The following INPP4B variants were observed in gnomAD, a reference collection of about 807,000 sequenced individuals.
INPP4B encodes inositol polyphosphate-4-phosphatase type II B.
In INPP4B, 55 loss-of-function variants were observed where a neutral mutation model predicts 122.5. The observed-to-expected ratio is 0.45, with a 90% CI of 0.36 to 0.56. The LOEUF (loss-of-function observed/expected upper bound fraction) is 0.56, where lower values mean the gene tolerates loss of function less well. Ranked by LOEUF, INPP4B falls within the 20% of genes least tolerant of loss-of-function variation. The pLI, the probability that INPP4B is intolerant of heterozygous loss-of-function variation, is 0.00. For missense variants in INPP4B, 1,000 were observed against 1,097.7 expected (o/e 0.91, Z 1.26); for synonymous variants, 403 against 388.7 (o/e 1.04, Z -0.43).
intron 2 of INPP4B, among the ~76,000 whole-genome samples, chr4:142,585,808 A>G (rs1480942272): frequency 6.6e-6 from 1 of 151,272 alleles, no homozygotes; most frequent in East Asian, 1.9e-4. Context: ...ATTAGAGACA[A>G]TATTATGACT....
At chr4:142,049,356 T>TAAAG in intron 25 of INPP4B, among the ~76,000 whole-genome samples, 1 of 152,180 alleles carries the variant, frequency 6.6e-6, no homozygotes, top group Admixed American at 6.6e-5. Context: ...GCATGAAAAC[T>TAAAG]AAAGACATAG....
chr4:142,808,212 T>G (rs1282284144), intron 1 of INPP4B, among the ~76,000 whole-genome samples: 1 of 152,182 alleles, frequency 6.6e-6, no homozygotes, highest in Non-Finnish European at 1.5e-5. Context: ...CTTGTTTCAT[T>G]TTGCTGAATA....
In INPP4B at chr4:142,295,736, CTT is replaced by C. The variant is rs934556526; in HGVS notation, c.503+9720_503+9721del. Among the ~76,000 whole-genome samples the C allele has an allele frequency of 6.8e-5, 10 of 146,730 alleles. No individual in the cohort carries two copies. The East Asian group carries it at 1.8e-3, about 26-fold the overall frequency. ...CCTACAGGAAAGAAATTCACTTTCC[CTT>C]TTTTTTTTCTTTTCTTTTTTTTTTA... On this transcript the variant is annotated intron_variant, in intron 9 of 25. Coordinates refer to ENST00000262992, the MANE Select transcript of INPP4B (RefSeq NM_001101669.3).
At chr4:142,294,536 AGT>A (rs931392837) in intron 9 of INPP4B, among the ~76,000 whole-genome samples, 4 of 152,052 alleles carry the variant, frequency 2.6e-5, no homozygotes, top group Non-Finnish European at 4.4e-5. Context: ...GTGGGGAAAA[AGT>A]GGACACGCAC....
At chr4:142,839,063 T>A (rs917495243) in intron 1 of INPP4B, among the ~76,000 whole-genome samples, 4 of 152,220 alleles carry the variant, frequency 2.6e-5, no homozygotes, top group African/African-American at 9.6e-5. Flanking sequence ...TTACTATATG[T>A]CATGTACCTT....
At chr4:142,627,946 T>C (rs1009282826) in intron 2 of INPP4B, among the ~76,000 whole-genome samples, 2 of 152,022 alleles carry the variant, frequency 1.3e-5, no homozygotes, top group Non-Finnish European at 2.9e-5. Flanking sequence ...TATTGGTCTA[T>C]TCAGAGATTC....
chr4:142,697,358 C>T (rs545014520), intron 2 of INPP4B, among the ~76,000 whole-genome samples: 1 of 152,276 alleles, frequency 6.6e-6, no homozygotes, highest in South Asian at 2.1e-4. Flanking sequence ...TTCATAAAAA[C>T]AGAGTCTGGG....
chr4:142,253,663 G>A (rs938320744), intron 11 of INPP4B, among the ~76,000 whole-genome samples: 12 of 152,190 alleles, frequency 7.9e-5, no homozygotes, highest in African/African-American at 1.9e-4. Context: ...AAAAAACGGC[G>A]CACCAGGAGA....
chr4:142,274,182 A>G (rs1175367807), intron 9 of INPP4B, among the ~76,000 whole-genome samples: 1 of 151,936 alleles, frequency 6.6e-6, no homozygotes, highest in East Asian at 1.9e-4. Flanking sequence ...ACTGAATTTT[A>G]CCTTATGGAA....
intron 25 of INPP4B, 130 bp from the exon 26 acceptor site, chr4:142,029,044 C>G: frequency 7.0e-7 from 1 of 1,419,894 alleles, no homozygotes; most frequent in Non-Finnish European, 9.2e-7. Context: ...TTTTTTTTTT[C>G]CACAAGTGAT....
At chr4:142,055,568 A>C (rs1757183294) in intron 25 of INPP4B, among the ~76,000 whole-genome samples, 1 of 152,176 alleles carries the variant, frequency 6.6e-6, no homozygotes, top group East Asian at 1.9e-4. Context: ...GAGTTAACTC[A>C]AAGGACTTTG....
chr4:142,745,121 T>G (rs1768513177), intron 1 of INPP4B, among the ~76,000 whole-genome samples: 1 of 151,816 alleles, frequency 6.6e-6, no homozygotes, highest in Non-Finnish European at 1.5e-5. Context: ...TAAATAGACC[T>G]TAAAAGTTGA....
At chr4:142,300,474 A>T (rs988575902) in intron 9 of INPP4B, among the ~76,000 whole-genome samples, 1 of 152,150 alleles carries the variant, frequency 6.6e-6, no homozygotes, top group Non-Finnish European at 1.5e-5. Flanking sequence ...ATTAACCAAA[A>T]TGCCAAAAAA....
intron 7 of INPP4B, among the ~76,000 whole-genome samples, chr4:142,375,167 T>TC (rs1297132185): frequency 6.6e-6 from 1 of 151,892 alleles, no homozygotes; most frequent in East Asian, 1.9e-4. Flanking sequence ...CATTTTTTTT[T>TC]CATCTTCCTT....
At chr4:142,168,726 G>T (rs1009710793) in intron 16 of INPP4B, among the ~76,000 whole-genome samples, 2 of 151,366 alleles carry the variant, frequency 1.3e-5, no homozygotes, top group African/African-American at 2.4e-5. Context: ...TAGCTTATTC[G>T]CATGCATACA....
chr4:142,292,102 G>A (rs1164479634), intron 9 of INPP4B, among the ~76,000 whole-genome samples: 1 of 152,150 alleles, frequency 6.6e-6, no homozygotes, highest in African/African-American at 2.4e-5. Flanking sequence ...CGAAAAAGGA[G>A]AAATGACATG....
At chr4:142,685,732 C>G (rs563376971) in intron 2 of INPP4B, among the ~76,000 whole-genome samples, 58 of 152,080 alleles carry the variant, frequency 3.8e-4, no homozygotes, top group Admixed American at 1.0e-3. Flanking sequence ...TGCACTCCCC[C>G]CTGGGAGACA....
At chr4:142,297,259 C>T (rs1420710810) in intron 9 of INPP4B, among the ~76,000 whole-genome samples, 1 of 152,180 alleles carries the variant, frequency 6.6e-6, no homozygotes, top group Non-Finnish European at 1.5e-5. Flanking sequence ...GTGATTAAAG[C>T]CAGAATTTAG....
At chr4:142,068,022 A>G (rs1764649215) in intron 25 of INPP4B, among the ~76,000 whole-genome samples, 2 of 152,316 alleles carry the variant, frequency 1.3e-5, no homozygotes, top group East Asian at 3.9e-4. Context: ...TCCAAGACAC[A>G]TAATTGTCAG....
Sources: gnomAD v4.1 joint callset for allele counts (sites outside exome capture counted in the v4.1 genomes callset) on GRCh38, gnomAD v4.1.1 for gene constraint, MANE v1.5 for transcripts, NCBI Gene and HGNC (gene_info 2026-07-23, HGNC 2026-07-21) for gene names.